TMEM94: variants seen among roughly 807,000 people sequenced by gnomAD.
TMEM94 encodes ER Mg2+ ATPase.
TMEM94 carries 81 observed loss-of-function variants against 158.6 expected under a neutral mutation model. The observed-to-expected ratio is 0.51, with a 90% CI of 0.43 to 0.61. The LOEUF is 0.61. Ranked by LOEUF, TMEM94 falls within the 20% of genes least tolerant of loss-of-function variation. TMEM94 has a pLI of 0.00. For synonymous variants in TMEM94, 751 were observed against 730.7 expected (o/e 1.03, Z -0.45); for missense variants, 1,435 against 1,762.0 (o/e 0.81, Z 3.32).
At chr17:75,472,211 C>G (rs1318336765) in intron 2 of TMEM94, among the ~76,000 whole-genome samples, 1 of 152,190 alleles carries the variant, frequency 6.6e-6, no homozygotes, top group Non-Finnish European at 1.5e-5. Flanking sequence ...ACTTCTTGCC[C>G]AGGGGTGTGC....
intron 1 of TMEM94, among the ~76,000 whole-genome samples, chr17:75,467,934 A>T (rs1044961966): frequency 6.6e-6 from 1 of 152,168 alleles, no homozygotes; most frequent in African/African-American, 2.4e-5. Flanking sequence ...GCAGTTGTTT[A>T]TTGAGTACCT....
intron 2 of TMEM94, among the ~76,000 whole-genome samples, chr17:75,483,463 CTT>C (rs1195481464): frequency 1.4e-4 from 20 of 139,262 alleles, no homozygotes; most frequent in Admixed American, 1.4e-4. Context: ...TTTTTCTTTT[CTT>C]TTTTTTTTTT....
rs2052756562 is a variant in TMEM94 at position 75,496,976 on chromosome 17, GTATTCCCTCCGGCCCC to G, written c.3322-135_3322-120del. ...TGAGCTGACCCTCATTGGCAGAAGA[GTATTCCCTCCGGCCCC>G]TGTTCCCTCTGGCAGGATGTGAGCA... On this transcript the variant is annotated intron_variant, in intron 25 of 31. Coordinates refer to ENST00000314256, the MANE Select transcript of TMEM94 (RefSeq NM_014738.6). The G allele has an allele frequency of 3.0e-6, 3 of 1,010,592 alleles. No individual in the cohort carries two copies. In the South Asian group the frequency reaches 4.1e-5, roughly 14 times the overall value. The allele number at this position is 1,010,592 out of a possible 1,614,324, so 62.6% of individuals were successfully genotyped here.
rs757421035 is a variant in TMEM94, at chr17:75,497,832, G to A, written c.3459G>A (p.Thr1153=). The change falls in exon 27 of 32, where the codon ACG becomes ACA. Residue 1153 remains threonine (T), a synonymous_variant. Transcript: ENST00000314256. ...PPHSSIMSMA[T]GKNLQSIPKK... The stretch of plus-strand genomic sequence containing the variant: ...ATAGCTCCATCATGTCTATGGCAAC[G>A]GGGAAAAACCTCCAGTCCATTCCCA... The A allele has an allele frequency of 1.8e-5, 29 of 1,613,908 alleles. No individual in the cohort carries two copies. In the East Asian group the frequency reaches 4.5e-4, roughly 25 times the overall value.
At position 75,492,880 on chromosome 17, in the gene TMEM94, C is replaced by G. The variant is rs1352294704; in HGVS notation, c.1913-49C>G. 6.3e-7 allele frequency: 1 copy of G among 1,589,502 alleles called. No homozygotes were observed. The highest frequency in any genetic ancestry group is 2.2e-5 in the East Asian group (1 of 44,532). ...TCCTCACGGGACTTAATGGACCTGG[C>G]AGGGTATTGCCAGGGCATGGCCCTA... On this transcript the variant is annotated intron_variant, in intron 15 of 31. Coordinates refer to ENST00000314256, the MANE Select transcript of TMEM94 (RefSeq NM_014738.6). The surrounding 1 kb of genome is among the most constrained non-coding windows in gnomAD (Gnocchi z 4.4).
chr17:75,499,368 C>T lies in TMEM94; in HGVS notation c.*34C>T. On this transcript the variant is annotated 3_prime_UTR_variant, in exon 32 of 32. Coordinates refer to ENST00000314256, the MANE Select transcript of TMEM94 (RefSeq NM_014738.6). ...CTGTGGTGGCTGTAGTTGCCCCCGT[C>T]CCTGGGGCTAAAGCCAGACCCATTT... 1.9e-6 allele frequency: 3 copies of T among 1,582,360 alleles called. No homozygotes were observed. Among genetic ancestry groups the T allele is most frequent in the African/African-American group, 1.3e-5 (1 of 74,472 alleles).
At chr17:75,476,713 A>T (rs1217301349) in intron 2 of TMEM94, 1 of 1,535,712 alleles carries the variant, frequency 6.5e-7, no homozygotes, top group Non-Finnish European at 8.7e-7. Flanking sequence ...AGGCAGAGCT[A>T]TGGATGCCCC....
intron 2 of TMEM94, among the ~76,000 whole-genome samples, chr17:75,472,272 A>G (rs1320016870): frequency 1.3e-5 from 2 of 152,216 alleles, no homozygotes; most frequent in Non-Finnish European, 2.9e-5. Flanking sequence ...CTGCTGAGCC[A>G]TGCTGAGGGC....
intron 5 of TMEM94, among the ~76,000 whole-genome samples, chr17:75,486,804 A>G (rs867778257): frequency 5.9e-5 from 9 of 152,002 alleles, no homozygotes; most frequent in African/African-American, 2.2e-4. Flanking sequence ...GGGCAGACAT[A>G]CCTGCAGGAA....
intron 1 of TMEM94, among the ~76,000 whole-genome samples, chr17:75,470,632 G>A (rs1025639524): frequency 5.9e-5 from 9 of 152,016 alleles, no homozygotes; most frequent in Non-Finnish European, 1.3e-4. Flanking sequence ...GTGAACCCGG[G>A]AGGTGGAGCT....
chr17:75,488,253 A>T, intron 6 of TMEM94, 119 bp downstream of exon 6: 9 of 905,626 alleles, frequency 9.9e-6, no homozygotes, highest in Non-Finnish European at 1.6e-5. Flanking sequence ...TTTTTGGCAG[A>T]GGCTCTGGAA....
In TMEM94 at chr17:75,486,099, G is replaced by A. The variant is rs559797610; in HGVS notation, c.272+101G>A. On this transcript the variant is annotated intron_variant, in intron 4 of 31. Coordinates refer to ENST00000314256, the MANE Select transcript of TMEM94 (RefSeq NM_014738.6). The stretch of plus-strand genomic sequence containing the variant: ...GGCTCTTGGGGGCTGTCACCCCCAA[G>A]CTGCTCCTGGGATGTAAGGGAACCT... The A allele has an allele frequency of 3.4e-6, 5 of 1,467,588 alleles. No homozygotes were observed. In the South Asian group the frequency reaches 4.0e-5, roughly 12 times the overall value. The allele number at this position is 1,467,588 out of a possible 1,614,324, so 90.9% of individuals were successfully genotyped here.
chr17:75,497,284 C>A, intron 26 of TMEM94, 86 bp downstream of exon 26: 1 of 1,011,464 alleles, frequency 9.9e-7, no homozygotes, highest in Non-Finnish European at 1.5e-6. Context: ...GCCCAAGGTT[C>A]TGGAACTGCT....
chr17:75,484,363 G>T (rs2051415122), intron 2 of TMEM94, among the ~76,000 whole-genome samples: 1 of 123,180 alleles, frequency 8.1e-6, no homozygotes. Context: ...TTTCCTTCAT[G>T]TCTTTCCTAG....
rs1422380401 is a variant in TMEM94, at chr17:75,486,079, T to TTGGGGGCTGTCACCCCCAAGCTGCTCC, written c.272+86_272+112dup. The TTGGGGGCTGTCACCCCCAAGCTGCTCC allele has an allele frequency of 5.3e-5, 79 of 1,491,082 alleles. 1 individual carries two copies. In the African/African-American group the frequency reaches 1.0e-3, roughly 20 times the overall value. The allele number at this position is 1,491,082 out of a possible 1,614,324, so 92.4% of individuals were successfully genotyped here. On this transcript the variant is annotated intron_variant, in intron 4 of 31. Transcript: ENST00000314256. ...CGGCACCTGGGACAGACCAGGGCTC[T>TTGGGGGCTGTCACCCCCAAGCTGCTCC]TGGGGGCTGTCACCCCCAAGCTGCT... is the stretch of plus-strand genomic sequence containing the variant.
At chr17:75,481,049 G>T (rs140767172) in intron 2 of TMEM94, among the ~76,000 whole-genome samples, 1 of 152,198 alleles carries the variant, frequency 6.6e-6, no homozygotes, top group African/African-American at 2.4e-5. Flanking sequence ...AGGAACAGAC[G>T]TCCATGCCCA....
intron 2 of TMEM94, among the ~76,000 whole-genome samples, chr17:75,482,877 C>T (rs1184316816): frequency 1.3e-5 from 2 of 152,166 alleles, no homozygotes; most frequent in African/African-American, 4.8e-5. Flanking sequence ...TGGAAGAATT[C>T]AGAGCCTGTT....
Position 75,494,640 on chromosome 17 carries a change from G to A in TMEM94, c.2421G>A (p.Glu807=). 2 of 1,613,606 alleles carry A rather than the reference G, an allele frequency of 1.2e-6. No homozygotes were observed. Among genetic ancestry groups the A allele is most frequent in the South Asian group, 2.2e-5 (2 of 91,080 alleles). ...TCCTGCCTGAAGAAGGGATCGGGGA[G>A]GTGCTGGAGAAGGAAGACTGCATGC... ...SSWSSDEGIG[E]VLEKEDCMQA... Residue 807 remains glutamate, a synonymous_variant, in exon 19 of 32, where the codon GAG becomes GAA. Transcript: ENST00000314256.
intron 1 of TMEM94, among the ~76,000 whole-genome samples, chr17:75,466,441 C>T (rs1409221246): frequency 6.6e-6 from 1 of 152,142 alleles, no homozygotes; most frequent in Non-Finnish European, 1.5e-5. Context: ...TTTGCCTATT[C>T]TTGGTCCTTT....
Sources: allele counts gnomAD v4.1 joint callset (sites outside exome capture counted in the v4.1 genomes callset), GRCh38; gene constraint gnomAD v4.1.1; non-coding constraint Gnocchi (gnomAD v3.1); transcripts MANE v1.5; gene names NCBI Gene and HGNC (gene_info 2026-07-23, HGNC 2026-07-21).